ESCO1: variants seen among roughly 807,000 people sequenced by gnomAD.
ESCO1 encodes the protein N-acetyltransferase ESCO1.
ESCO1 carries 33 observed loss-of-function variants against 83.5 expected under a neutral mutation model. The observed-to-expected ratio is 0.40, with a 90% CI of 0.30 to 0.53. ESCO1 has a LOEUF of 0.53. Ranked by LOEUF, ESCO1 falls within the 20% of genes least tolerant of loss-of-function variation. The probability of loss-of-function intolerance (pLI) is 0.63; values close to 1 mark genes in which losing one functional copy is unlikely to be tolerated. For synonymous variants in ESCO1, 332 were observed against 324.3 expected (o/e 1.02, Z -0.25); for missense variants, 855 against 968.0 (o/e 0.88, Z 1.55).
chr18:21,544,426 G>A (rs928768418), intron 8 of ESCO1, among the ~76,000 whole-genome samples: 2 of 150,756 alleles, frequency 1.3e-5, no homozygotes, highest in African/African-American at 4.9e-5. Flanking sequence ...GGCTAACCTG[G>A]TGAAACCTCG....
intron 1 of ESCO1, among the ~76,000 whole-genome samples, chr18:21,590,935 C>A (rs1458136875): frequency 2.0e-5 from 3 of 148,678 alleles, no homozygotes; most frequent in Non-Finnish European, 4.4e-5. Context: ...CAGAGCGAGA[C>A]TGTCTCAAAA....
chr18:21,570,250 A>T (rs543874314), intron 4 of ESCO1, among the ~76,000 whole-genome samples: 1 of 152,070 alleles, frequency 6.6e-6, no homozygotes, highest in South Asian at 2.1e-4. Context: ...GGCACACATT[A>T]CCACTCCTAG....
intron 1 of ESCO1, chr18:21,593,592 G>A (rs2146237054): frequency 6.1e-5 from 1 of 16,436 alleles, no homozygotes. Flanking sequence ...AAGAGAGGGA[G>A]ACCGTAGGGA....
At chr18:21,543,266 T>G (rs1234921784) in intron 8 of ESCO1, among the ~76,000 whole-genome samples, 2 of 152,182 alleles carry the variant, frequency 1.3e-5, no homozygotes. Flanking sequence ...GCAATTCTCC[T>G]GCCTCAGCCT....
chr18:21,600,291 C>T (rs1456146536), intron 1 of ESCO1, among the ~76,000 whole-genome samples: 1 of 152,238 alleles, frequency 6.6e-6, no homozygotes, highest in African/African-American at 2.4e-5. Flanking sequence ...GCTCCCGGAG[C>T]CCTCGCGGCA....
intron 2 of ESCO1, among the ~76,000 whole-genome samples, chr18:21,583,868 T>G (rs2038537494): frequency 6.6e-6 from 1 of 152,182 alleles, no homozygotes; most frequent in Admixed American, 6.5e-5. Context: ...TATACATAAA[T>G]TATGCTTTAA....
At chr18:21,578,705 A>C (rs1312250358) in intron 2 of ESCO1, among the ~76,000 whole-genome samples, 1 of 152,098 alleles carries the variant, frequency 6.6e-6, no homozygotes, top group African/African-American at 2.4e-5. Flanking sequence ...AAGAAAAAAA[A>C]AATTTTTTTT....
intron 8 of ESCO1, among the ~76,000 whole-genome samples, chr18:21,544,012 A>C (rs1775454098): frequency 1.3e-5 from 2 of 152,166 alleles, no homozygotes; most frequent in Non-Finnish European, 2.9e-5. Context: ...AGTGGCTCAC[A>C]CCTGCAATCC....
At chr18:21,540,638 C>G (rs966714234) in intron 8 of ESCO1, 1 of 1,340,170 alleles carries the variant, frequency 7.5e-7, no homozygotes, top group Non-Finnish European at 9.8e-7. Context: ...TAAACATACT[C>G]AAAAAAAGAG....
intron 11 of ESCO1, among the ~76,000 whole-genome samples, chr18:21,530,703 AAACATTTACCC>A (rs2037757064): frequency 6.6e-6 from 1 of 152,186 alleles, no homozygotes; most frequent in South Asian, 2.1e-4. Flanking sequence ...AACAATGTAA[AAACATTTACCC>A]AACATCTTTT....
chr18:21,585,242 A>G (rs907025170), intron 1 of ESCO1, among the ~76,000 whole-genome samples: 7 of 151,326 alleles, frequency 4.6e-5, no homozygotes, highest in African/African-American at 1.7e-4. Context: ...TTCTTATCCC[A>G]CCTCCATGAG....
chr18:21,586,896 G>A (rs917922159), intron 1 of ESCO1, among the ~76,000 whole-genome samples: 8 of 152,082 alleles, frequency 5.3e-5, no homozygotes, highest in African/African-American at 1.9e-4. Context: ...GTTAGATGTG[G>A]ATTTTTCACA....
At chr18:21,559,817 AGAGT>A (rs1242454189) in intron 8 of ESCO1, among the ~76,000 whole-genome samples, 1 of 152,188 alleles carries the variant, frequency 6.6e-6, no homozygotes, top group Non-Finnish European at 1.5e-5. Context: ...GTGGTAGGAG[AGAGT>A]GTGTGGAGAA....
intron 5 of ESCO1, 37 bp from the exon 6 acceptor site, chr18:21,566,243 T>C (rs754791947): frequency 6.4e-7 from 1 of 1,571,320 alleles, no homozygotes. Context: ...ATATATTGAG[T>C]TTTATACTAG....
chr18:21,587,086 G>A (rs2038592440), intron 1 of ESCO1, among the ~76,000 whole-genome samples: 1 of 152,150 alleles, frequency 6.6e-6, no homozygotes, highest in Non-Finnish European at 1.5e-5. Context: ...AGGGATAAAT[G>A]CAACTTGGTC....
At chr18:21,597,549 TTTAA>T (rs577314303) in intron 1 of ESCO1, among the ~76,000 whole-genome samples, 10 of 151,872 alleles carry the variant, frequency 6.6e-5, no homozygotes, top group East Asian at 5.8e-4. Context: ...TAAGCTGTAG[TTTAA>T]TTATTTCAAA....
intron 1 of ESCO1, among the ~76,000 whole-genome samples, chr18:21,598,876 C>T (rs908860793): frequency 3.9e-5 from 6 of 152,120 alleles, no homozygotes; most frequent in Non-Finnish European, 8.8e-5. Flanking sequence ...AACAGTGATA[C>T]TCTGCATTCT....
At chr18:21,561,011 A>G (rs1384583116) in intron 7 of ESCO1, 21 bp from the exon 8 acceptor site, 3 of 1,569,972 alleles carry the variant, frequency 1.9e-6, no homozygotes, top group Non-Finnish European at 2.6e-6. Flanking sequence ...AAAACACACA[A>G]AAGTTTTTTT....
At chr18:21,558,655 A>G (rs2038142795) in intron 8 of ESCO1, among the ~76,000 whole-genome samples, 1 of 142,814 alleles carries the variant, frequency 7.0e-6, no homozygotes. Context: ...TGAACCCAGG[A>G]GGTGGAGGAG....
Sources: gnomAD v4.1 joint callset for allele counts (sites outside exome capture counted in the v4.1 genomes callset) on GRCh38, gnomAD v4.1.1 for gene constraint, MANE v1.5 for transcripts, NCBI Gene and HGNC (gene_info 2026-07-23, HGNC 2026-07-21) for gene names.